Variants in PLK1 observed in about 807,000 individuals in gnomAD.
PLK1 encodes the protein serine/threonine-protein kinase PLK1.
PLK1 carries 6 observed loss-of-function variants against 56.7 expected under a neutral mutation model. The ratio of observed to expected loss-of-function variants is 0.11; its 90% confidence interval spans 0.06 to 0.21. The LOEUF is 0.21. PLK1 is among the 10% of genes least tolerant of loss of function. The pLI is 1.00. For synonymous variants in PLK1, 298 were observed against 325.0 expected (o/e 0.92, Z 0.89); for missense variants, 546 against 814.4 (o/e 0.67, Z 4.01).
In PLK1 at chr16:23,689,824, CTG is replaced by C. The variant is rs1491448660; in HGVS notation, c.1609-35_1609-34del. The C allele has an allele frequency of 6.3e-7, 1 of 1,593,180 alleles. No homozygotes were observed. Reference sequence around the variant, plus strand: ...TCTACTCCCTAACATACACTGGCCTCTGGGATCGCCAACCCCTGCTGCTCTTC... The same window carrying C: ...TCTACTCCCTAACATACACTGGCCTCGGATCGCCAACCCCTGCTGCTCTTC... On this transcript the variant is annotated intron_variant, in intron 9 of 9. Coordinates refer to ENST00000300093, the MANE Select transcript of PLK1 (RefSeq NM_005030.6). The surrounding 1 kb of genome is among the most constrained non-coding windows in gnomAD (Gnocchi z 4.8).
intron 4 of PLK1, among the ~76,000 whole-genome samples, chr16:23,682,985 C>CTTTTTTTTTT (rs1031796646): frequency 3.3e-5 from 3 of 91,516 alleles, no homozygotes; most frequent in East Asian, 3.8e-4. Context: ...TGTGCATTTT[C>CTTTTTTTTTT]TTTTTTTTTT....
intron 3 of PLK1, among the ~76,000 whole-genome samples, chr16:23,681,272 C>T (rs956367601): frequency 6.6e-6 from 1 of 152,094 alleles, no homozygotes; most frequent in African/African-American, 2.4e-5. Flanking sequence ...ATGGGTACAG[C>T]GGAGGAGGAG....
chr16:23,683,962 G>A lies in PLK1; in HGVS notation c.909G>A (p.Glu303=). 1.2e-6 allele frequency: 2 copies of A among 1,614,136 alleles called. No homozygotes were observed. The highest frequency in any genetic ancestry group is 1.7e-6 in the Non-Finnish European group (2 of 1,180,006). Residue 303 remains glutamate (E), a synonymous_variant, in exon 5 of 10, where the codon GAG becomes GAA. Coordinates refer to ENST00000300093, the MANE Select transcript of PLK1 (RefSeq NM_005030.6). Reference sequence around the variant, plus strand: ...CCATTAACGAGCTGCTTAATGACGAGTTCTTTACTTCTGGCTATATCCCTG... The same window carrying A: ...CCATTAACGAGCTGCTTAATGACGAATTCTTTACTTCTGGCTATATCCCTG... ...RPTINELLND[E]FFTSGYIPAR... is the part of the protein sequence containing the mutation.
chr16:23,680,119 G>C lies in PLK1; in HGVS notation c.444G>C (p.Leu148=). 5 of 1,614,034 alleles carry C rather than the reference G, an allele frequency of 3.1e-6. No individual in the cohort carries two copies. The highest frequency in any genetic ancestry group is 4.2e-6 in the Non-Finnish European group (5 of 1,179,972). Residue 148 remains leucine, a synonymous_variant, in exon 2 of 10, where the codon CTG becomes CTC. Coordinates refer to ENST00000300093, the MANE Select transcript of PLK1 (RefSeq NM_005030.6). ...AGCTGCACAAGAGGAGGAAAGCCCT[G>C]ACTGAGCCTGAGGCCCGATACTACC... is the stretch of plus-strand genomic sequence containing the variant. ...LLELHKRRKA[L]TEPEARYYLR...
At chr16:23,680,693 A>G (rs1241272115) in intron 2 of PLK1, among the ~76,000 whole-genome samples, 1 of 152,190 alleles carries the variant, frequency 6.6e-6, no homozygotes, top group Non-Finnish European at 1.5e-5. Flanking sequence ...TTCAAAGCAT[A>G]GCCCCTTTCT....
chr16:23,682,762 C>A (rs900199559), intron 4 of PLK1, among the ~76,000 whole-genome samples: 2 of 150,538 alleles, frequency 1.3e-5, no homozygotes, highest in Non-Finnish European at 3.0e-5. Context: ...GAACTCCTGA[C>A]CTCAGGTGAT....
In PLK1 at chr16:23,689,333, C is replaced by A. The variant is rs189573198; in HGVS notation, c.1366C>A (p.Arg456Ser). Residue 456 changes from arginine (R) to serine (S), a missense_variant, in exon 8 of 10, where the codon CGT becomes AGT. Physicochemically the swap from Arg to Ser is moderately radical, Grantham distance 110. This residue lies in a region of PLK1 where 113 missense variants were observed against 202.0 expected (regional missense o/e 0.56). Coordinates refer to ENST00000300093, the MANE Select transcript of PLK1 (RefSeq NM_005030.6). The surrounding 1 kb of genome is among the most constrained non-coding windows in gnomAD (Gnocchi z 4.8). ...NDGDSLQYIE[R>S]DGTESYLTVS... ...TGGTGACAGCCTGCAGTACATAGAG[C>A]GTGACGGCACTGAGTCCTACCTCAC... 147 of 1,613,860 alleles carry A rather than the reference C, an allele frequency of 9.1e-5. No homozygotes were observed. In the Admixed American group the frequency reaches 2.4e-3, roughly 27 times the overall value.
chr16:23,689,987 G>A lies in PLK1; in HGVS notation c.1736G>A (p.Arg579Gln), dbSNP rs984791278. The change falls in exon 10 of 10, where the codon CGG becomes CAG. Residue 579 changes from arginine to glutamine, a missense_variant. Arg to Gln is a conservative substitution (Grantham distance 43). Around this residue, in one of 7 missense-constraint regions of PLK1, gnomAD observed 72 missense variants for 77.9 expected, o/e 0.92. Coordinates refer to ENST00000300093, the MANE Select transcript of PLK1 (RefSeq NM_005030.6). The surrounding 1 kb of genome is among the most constrained non-coding windows in gnomAD (Gnocchi z 4.8). ...EYGCCKELAS[R>Q]LRYARTMVDK... is the part of the protein sequence containing the mutation. ...GGCTGCTGCAAGGAGCTGGCCAGCCGGCTCCGCTACGCCCGCACTATGGTG... is the reference window on the plus strand; with the variant it reads ...GGCTGCTGCAAGGAGCTGGCCAGCCAGCTCCGCTACGCCCGCACTATGGTG... 3.1e-6 allele frequency: 5 copies of A among 1,613,688 alleles called. No homozygotes were observed. Among genetic ancestry groups the A allele is most frequent in the Admixed American group, 1.7e-5 (1 of 60,028 alleles).
rs749821212 is a variant in PLK1 at position 23,680,186 on chromosome 16, C to A, written c.511C>A (p.Arg171=). 1.9e-6 allele frequency: 3 copies of A among 1,613,936 alleles called. No homozygotes were observed. The highest frequency in any genetic ancestry group is 1.7e-5 in the Admixed American group (1 of 60,012). Residue 171 remains arginine (R), a synonymous_variant, in exon 2 of 10, where the codon CGA becomes AGA. Transcript: ENST00000300093. The part of the protein sequence containing the change: ...VLGCQYLHRN[R]VIHRDLKLGN... Reference sequence around the variant, plus strand: ...TGGCTGCCAGTACCTGCACCGAAACCGAGTTATTCATCGAGACCTCAAGCT... The same window carrying A: ...TGGCTGCCAGTACCTGCACCGAAACAGAGTTATTCATCGAGACCTCAAGCT...
intron 1 of PLK1, 73 bp downstream of exon 1, chr16:23,679,413 A>G (rs754946169): frequency 2.8e-6 from 4 of 1,418,512 alleles, no homozygotes; most frequent in Non-Finnish European, 3.9e-6. Flanking sequence ...GCTGCTGGAA[A>G]GAGTACCCAG....
chr16:23,689,845 GCTCTT>G lies in PLK1; in HGVS notation c.1609-9_1609-5del. 6.2e-7 allele frequency: 1 copy of G among 1,609,784 alleles called. No individual in the cohort carries two copies. Reference sequence around the variant, plus strand: ...GCCTCTGGGATCGCCAACCCCTGCTGCTCTTCTCTTGCAGGATCACACCAAGCTCA... The same window carrying G: ...GCCTCTGGGATCGCCAACCCCTGCTGCTCTTGCAGGATCACACCAAGCTCA... On this transcript the variant is annotated splice_polypyrimidine_tract_variant and intron_variant, in intron 9 of 9. Coordinates refer to ENST00000300093, the MANE Select transcript of PLK1 (RefSeq NM_005030.6). This position sits in a 1 kb window ranked among gnomAD's most constrained non-coding sequence, Gnocchi z 4.8.
Position 23,684,204 on chromosome 16 carries a change from C to T in PLK1, c.1036+115C>T, listed in dbSNP as rs549637797. On this transcript the variant is annotated intron_variant, in intron 5 of 9. Transcript: ENST00000300093. ...CTCAGGTGTGGAGTAGGACAGGCCT[C>T]TGTCCTTCAATCCGTGGTTCCAATG... 9.3e-6 allele frequency: 7 copies of T among 749,684 alleles called. No individual in the cohort carries two copies. In the South Asian group the frequency reaches 1.1e-4, roughly 12 times the overall value. 46.4% of individuals were successfully genotyped at this position (749,684 alleles called of 1,614,324 possible).
Position 23,679,248 on chromosome 16 carries a change from C to G in PLK1, c.316C>G (p.Arg106Gly). The change falls in exon 1 of 10, where the codon CGC becomes GGC. Residue 106 changes from arginine to glycine, a missense_variant. Arg to Gly is a moderately radical substitution (Grantham distance 125). Coordinates refer to ENST00000300093, the MANE Select transcript of PLK1 (RefSeq NM_005030.6). ...EKMSMEISIH[R>G]SLAHQHVVGF... ...GATGTCCATGGAAATATCCATTCAC[C>G]GCAGCCTCGCCCACCAGCACGTCGT... 6.2e-7 allele frequency: 1 copy of G among 1,614,106 alleles called. No individual in the cohort carries two copies.
At chr16:23,680,580 A>G (rs1382622333) in intron 2 of PLK1, among the ~76,000 whole-genome samples, 2 of 152,220 alleles carry the variant, frequency 1.3e-5, no homozygotes, top group Admixed American at 6.5e-5. Flanking sequence ...TCTTTGCCAC[A>G]GTCTCTACTC....
chr16:23,689,290 C>T lies in PLK1; in HGVS notation c.1323C>T (p.Arg441=), dbSNP rs747732203. The stretch of plus-strand genomic sequence containing the variant: ...GGGTGCTCTTCAATGACTCAACACG[C>T]CTCATCCTCTACAATGATGGTGACA... The part of the protein sequence containing the change: ...SVGVLFNDST[R]LILYNDGDSL... The change falls in exon 8 of 10, where the codon CGC becomes CGT. Residue 441 remains arginine (R), a synonymous_variant. Transcript: ENST00000300093. The surrounding 1 kb of genome is among the most constrained non-coding windows in gnomAD (Gnocchi z 4.8). The T allele has an allele frequency of 6.2e-7, 1 of 1,613,870 alleles. No individual in the cohort carries two copies. Among genetic ancestry groups the T allele is most frequent in the Non-Finnish European group, 8.5e-7 (1 of 1,179,774 alleles).
rs575773682 is a variant in PLK1 at position 23,680,785 on chromosome 16, A to G, written c.578-129A>G. On this transcript the variant is annotated intron_variant, in intron 2 of 9. Coordinates refer to ENST00000300093, the MANE Select transcript of PLK1 (RefSeq NM_005030.6). ...AAGATTCCTGGGCAAGCCTTGCTAC[A>G]TACAAGGAGCAGAGGCTTGTGGGAT... The G allele has an allele frequency of 5.4e-5, 47 of 876,630 alleles. No individual in the cohort carries two copies. The East Asian group carries it at 7.3e-4, about 14-fold the overall frequency. 54.3% of individuals were successfully genotyped at this position (876,630 alleles called of 1,614,324 possible). A position where few individuals can be genotyped will look rare whatever the true frequency, so the allele number is the denominator to read the frequency against.
rs1959449436 is a variant in PLK1, at chr16:23,687,582, G to A, written c.1150G>A (p.Val384Ile). The A allele has an allele frequency of 6.2e-7, 1 of 1,601,816 alleles. No individual in the cohort carries two copies. The highest frequency in any genetic ancestry group is 8.5e-7 in the Non-Finnish European group (1 of 1,172,754). ...TGACATGCTGCAGCAGCTGCACAGTGTCAATGCCTCCAAGCCCTCGGAGCG... is the reference window on the plus strand; with the variant it reads ...TGACATGCTGCAGCAGCTGCACAGTATCAATGCCTCCAAGCCCTCGGAGCG... ...LSDMLQQLHS[V>I]NASKPSERGL... Residue 384 changes from valine (V) to isoleucine (I), a missense_variant, in exon 6 of 10, where the codon GTC becomes ATC. This residue lies in a region of PLK1 where 157 missense variants were observed against 184.0 expected (regional missense o/e 0.85). Coordinates refer to ENST00000300093, the MANE Select transcript of PLK1 (RefSeq NM_005030.6).
At chr16:23,679,748 G>C in intron 1 of PLK1, 1 of 289,538 alleles carries the variant, frequency 3.5e-6, no homozygotes, top group East Asian at 6.6e-5. Context: ...CGGGCCTTCC[G>C]GGGGAGATAC....
At chr16:23,685,391 G>C (rs1222779937) in intron 5 of PLK1, among the ~76,000 whole-genome samples, 1 of 151,960 alleles carries the variant, frequency 6.6e-6, no homozygotes, top group Non-Finnish European at 1.5e-5. Context: ...CAGTCCCCCT[G>C]CCTTACCCTC....
Sources: gnomAD v4.1 joint callset for allele counts (sites outside exome capture counted in the v4.1 genomes callset) on GRCh38, gnomAD v4.1.1 for gene constraint, gnomAD v4.1.1 regional missense constraint, Gnocchi (gnomAD v3.1) non-coding constraint, MANE v1.5 for transcripts, NCBI Gene and HGNC (gene_info 2026-07-23, HGNC 2026-07-21) for gene names.